Variants in MICU3 observed in about 807,000 individuals in gnomAD.
The protein encoded by MICU3 is calcium uptake protein 3, mitochondrial.
In MICU3, 62 loss-of-function variants were observed where a neutral mutation model predicts 66.5. That is an observed-to-expected ratio of 0.93 (90% CI 0.76 to 1.15). The LOEUF (loss-of-function observed/expected upper bound fraction) is 1.15. MICU3 is among the 50% of genes most tolerant of loss of function. The pLI is 0.00. For synonymous variants in MICU3, 308 were observed against 240.7 expected (o/e 1.28, Z -2.59); for missense variants, 779 against 664.4 (o/e 1.17, Z -1.90).
chr8:17,105,353 TCTC>T (rs1400057385), intron 10 of MICU3, 57 bp from the exon 11 acceptor site: 4 of 998,798 alleles, frequency 4.0e-6, no homozygotes, highest in Non-Finnish European at 5.9e-6. Flanking sequence ...TATTTGCTCA[TCTC>T]CTGTTACGAT....
intron 2 of MICU3, among the ~76,000 whole-genome samples, chr8:17,065,474 T>C (rs1818537358): frequency 1.3e-5 from 2 of 152,260 alleles, no homozygotes; most frequent in East Asian, 3.9e-4. Flanking sequence ...AGAATATAGA[T>C]AACCAAAGAC....
rs1779311207 is a variant in MICU3, at chr8:17,121,478, C to A, written c.*1191C>A. 6.6e-6 allele frequency: 1 copy of A among 151,782 alleles called. No individual in the cohort carries two copies. The highest frequency in any genetic ancestry group is 1.5e-5 in the Non-Finnish European group (1 of 67,698). The allele number at this position is 151,782 out of a possible 1,614,324, so 9.4% of individuals were successfully genotyped here. Reference sequence around the variant, plus strand: ...TTCAATTAAAAATGCTTAGTTTATACAAAGATACTACACAAAAATAGAACA... The same window carrying A: ...TTCAATTAAAAATGCTTAGTTTATAAAAAGATACTACACAAAAATAGAACA... On this transcript the variant is annotated 3_prime_UTR_variant, in exon 15 of 15. Transcript: ENST00000318063.
intron 13 of MICU3, among the ~76,000 whole-genome samples, chr8:17,118,470 A>G (rs1352702953): frequency 2.6e-5 from 4 of 152,284 alleles, no homozygotes; most frequent in South Asian, 4.1e-4. Flanking sequence ...ATTACTAACT[A>G]TGGTCAACTT....
intron 1 of MICU3, among the ~76,000 whole-genome samples, chr8:17,035,978 C>T (rs1194650250): frequency 3.3e-5 from 5 of 152,136 alleles, no homozygotes; most frequent in African/African-American, 4.8e-5. Context: ...TTTTATGGGC[C>T]GGGACTAGTA....
intron 1 of MICU3, among the ~76,000 whole-genome samples, chr8:17,035,872 C>T (rs1356343521): frequency 6.6e-6 from 1 of 152,168 alleles, no homozygotes; most frequent in Non-Finnish European, 1.5e-5. Context: ...AAATGTTAGT[C>T]ACCAAGACAG....
intron 8 of MICU3, among the ~76,000 whole-genome samples, chr8:17,093,170 A>G (rs752734841): frequency 6.6e-5 from 10 of 151,916 alleles, no homozygotes; most frequent in Non-Finnish European, 1.2e-4. Context: ...TTCTTTTCCT[A>G]TTTCTCATGT....
At chr8:17,043,526 AGGGCTTGT>A (rs978486617) in intron 1 of MICU3, among the ~76,000 whole-genome samples, 1 of 152,220 alleles carries the variant, frequency 6.6e-6, no homozygotes, top group Non-Finnish European at 1.5e-5. Flanking sequence ...GTTTTGGACT[AGGGCTTGT>A]GGTGAATGGA....
At chr8:17,115,610 G>C (rs1342458329) in intron 12 of MICU3, among the ~76,000 whole-genome samples, 1 of 152,144 alleles carries the variant, frequency 6.6e-6, no homozygotes, top group Non-Finnish European at 1.5e-5. Context: ...GAATATTGTA[G>C]TAGCCACCAA....
chr8:17,080,369 G>A (rs907948456), intron 4 of MICU3, among the ~76,000 whole-genome samples: 8 of 151,978 alleles, frequency 5.3e-5, no homozygotes, highest in African/African-American at 1.9e-4. Flanking sequence ...TTCCTTGAGG[G>A]AAATCTTGAG....
chr8:17,064,557 T>G (rs1032148182), intron 2 of MICU3, among the ~76,000 whole-genome samples: 2 of 152,156 alleles, frequency 1.3e-5, no homozygotes, highest in African/African-American at 4.8e-5. Context: ...GGCTTTGAGG[T>G]TAGCCCTGGG....
chr8:17,114,028 T>G, intron 11 of MICU3, 65 bp from the exon 12 acceptor site: 1 of 1,027,902 alleles, frequency 9.7e-7, no homozygotes, highest in South Asian at 1.5e-5. Flanking sequence ...TTCTCTTATG[T>G]GTAGATCCTG....
chr8:17,081,483 C>CCAT (rs1329498706), intron 4 of MICU3, among the ~76,000 whole-genome samples: 1 of 151,858 alleles, frequency 6.6e-6, no homozygotes, highest in East Asian at 1.9e-4. Flanking sequence ...TATTTGAGAG[C>CCAT]ATAATGATTT....
At chr8:17,086,531 C>T (rs1385421040) in intron 6 of MICU3, among the ~76,000 whole-genome samples, 1 of 151,962 alleles carries the variant, frequency 6.6e-6, no homozygotes, top group Non-Finnish European at 1.5e-5. Context: ...TTCTGCCATC[C>T]GAAAATGGCC....
intron 12 of MICU3, among the ~76,000 whole-genome samples, chr8:17,115,922 G>A (rs999149582): frequency 6.6e-6 from 1 of 152,050 alleles, no homozygotes; most frequent in Non-Finnish European, 1.5e-5. Context: ...TGCCATTTCT[G>A]TCATCTCTAT....
rs761269207 is a variant in MICU3, at chr8:17,108,064, C to T, written c.1257+2480C>T. 2.2e-4 allele frequency among the ~76,000 whole-genome samples: 33 copies of T among 152,068 alleles called. No homozygotes were observed. The Middle Eastern group carries it at 0.014, about 63-fold the overall frequency. On this transcript the variant is annotated intron_variant, in intron 11 of 14. Transcript: ENST00000318063. Reference sequence around the variant, plus strand: ...AAAAGTAGAGCTGATAGTACCTGTTCGTGGATATTTCATTATAAGAGAAAA... The same window carrying T: ...AAAAGTAGAGCTGATAGTACCTGTTTGTGGATATTTCATTATAAGAGAAAA...
chr8:17,085,405 G>A (rs1585411700), intron 6 of MICU3, 87 bp downstream of exon 6: 3 of 759,270 alleles, frequency 4.0e-6, no homozygotes, highest in Non-Finnish European at 6.4e-6. Context: ...GAGTACTACT[G>A]TAGAGAAAAG....
At chr8:17,036,472 G>A (rs545893561) in intron 1 of MICU3, among the ~76,000 whole-genome samples, 3 of 152,144 alleles carry the variant, frequency 2.0e-5, no homozygotes, top group African/African-American at 7.2e-5. Flanking sequence ...CTGCTGATTG[G>A]TAGAGCCGAG....
chr8:17,090,449 A>G (rs1362450296), intron 7 of MICU3, 97 bp from the exon 8 acceptor site: 1 of 998,016 alleles, frequency 1.0e-6, no homozygotes, highest in African/African-American at 1.6e-5. Context: ...GCCCTTCCTA[A>G]TTGATTATTT....
At chr8:17,094,589 C>T (rs1275472530) in intron 8 of MICU3, among the ~76,000 whole-genome samples, 2 of 151,844 alleles carry the variant, frequency 1.3e-5, no homozygotes, top group Non-Finnish European at 2.9e-5. Context: ...GTTATTTTGG[C>T]AATAAATACT....
Sources: gnomAD v4.1 joint callset for allele counts (sites outside exome capture counted in the v4.1 genomes callset) on GRCh38, gnomAD v4.1.1 for gene constraint, MANE v1.5 for transcripts, NCBI Gene and HGNC (gene_info 2026-07-23, HGNC 2026-07-21) for gene names.